Variants in RABGAP1L observed in about 807,000 individuals in gnomAD.
RABGAP1L encodes rab GTPase-activating protein 1-like.
RABGAP1L carries 63 observed loss-of-function variants against 137.7 expected under a neutral mutation model. The ratio of observed to expected loss-of-function variants is 0.46; its 90% CI spans 0.37 to 0.56. The LOEUF is 0.56. RABGAP1L is among the 20% of genes least tolerant of loss of function. The pLI, the probability that RABGAP1L is intolerant of heterozygous loss-of-function variation, is 0.00. For synonymous variants in RABGAP1L, 431 were observed against 433.7 expected (o/e 0.99, Z 0.08); for missense variants, 1,095 against 1,244.0 (o/e 0.88, Z 1.80).
intron 11 of RABGAP1L, among the ~76,000 whole-genome samples, chr1:174,324,123 A>AT (rs557721380): frequency 6.6e-5 from 10 of 151,098 alleles, no homozygotes; most frequent in Non-Finnish European, 8.9e-5. Context: ...TTGGAAAGTC[A>AT]TTTTTTTTTA....
chr1:174,599,452 T>C (rs1670252735), intron 13 of RABGAP1L, among the ~76,000 whole-genome samples: 1 of 152,222 alleles, frequency 6.6e-6, no homozygotes, highest in Non-Finnish European at 1.5e-5. Context: ...CTCCAGATGA[T>C]TTCTTTTTGC....
chr1:174,938,905 G>T (rs1465055334), intron 19 of RABGAP1L, among the ~76,000 whole-genome samples: 1 of 152,096 alleles, frequency 6.6e-6, no homozygotes, highest in African/African-American at 2.4e-5. Flanking sequence ...CCATAGAAAT[G>T]GGAACATAAA....
chr1:174,863,345 C>G (rs1383065380), intron 19 of RABGAP1L, among the ~76,000 whole-genome samples: 1 of 150,050 alleles, frequency 6.7e-6, no homozygotes, highest in Non-Finnish European at 1.5e-5. Flanking sequence ...TCTTTTCTAA[C>G]AGAATACCCT....
At chr1:174,611,423 T>C (rs1455727923) in intron 13 of RABGAP1L, among the ~76,000 whole-genome samples, 2 of 151,968 alleles carry the variant, frequency 1.3e-5, no homozygotes, top group South Asian at 4.2e-4. Context: ...ATATCTCTCT[T>C]TTGGTACCAC....
intron 13 of RABGAP1L, among the ~76,000 whole-genome samples, chr1:174,566,882 G>A (rs1185646586): frequency 1.3e-5 from 2 of 152,152 alleles, no homozygotes; most frequent in Non-Finnish European, 2.9e-5. Context: ...CAACTATGTA[G>A]AAAATTTTCT....
rs187514618 is a variant in RABGAP1L at position 174,377,610 on chromosome 1, A to C, written c.1559+6538A>C. Among the ~76,000 whole-genome samples the C allele has an allele frequency of 7.0e-4, 107 of 152,282 alleles. 2 individuals carry two copies. In the East Asian group the frequency reaches 9.3e-3, roughly 13 times the overall value. ...CAAGTAGCACATAAAAAGATGCTCA[A>C]TATCATTAACCATCAGGGAAATGCC... On this transcript the variant is annotated intron_variant, in intron 12 of 25. Coordinates refer to ENST00000681986, the MANE Select transcript of RABGAP1L (RefSeq NM_001366446.1).
At chr1:174,794,809 A>AC (rs1688123895) in intron 18 of RABGAP1L, among the ~76,000 whole-genome samples, 1 of 151,872 alleles carries the variant, frequency 6.6e-6, no homozygotes, top group Middle Eastern at 3.2e-3. Context: ...GTATTTGGAT[A>AC]CCTCCCTGAT....
intron 13 of RABGAP1L, among the ~76,000 whole-genome samples, chr1:174,543,212 T>G (rs905079166): frequency 6.6e-6 from 1 of 152,194 alleles, no homozygotes; most frequent in Non-Finnish European, 1.5e-5. Context: ...TCTCCCATTA[T>G]TATTGTGTGG....
chr1:174,225,494 C>CTTTTTTTTTTTTTTTTTTT (rs59323156), intron 3 of RABGAP1L, among the ~76,000 whole-genome samples: 8 of 105,730 alleles, frequency 7.6e-5, no homozygotes, highest in African/African-American at 2.4e-4. Flanking sequence ...AGAATGTTGA[C>CTTTTTTTTTTTTTTTTTTT]TTTTTTTTTT....
At chr1:174,221,602 A>G (rs1669763789) in intron 3 of RABGAP1L, among the ~76,000 whole-genome samples, 1 of 152,248 alleles carries the variant, frequency 6.6e-6, no homozygotes, top group South Asian at 2.1e-4. Context: ...TCTATGAATA[A>G]TTAGGATTTG....
chr1:174,375,845 A>G (rs1442936682), intron 12 of RABGAP1L, among the ~76,000 whole-genome samples: 1 of 152,110 alleles, frequency 6.6e-6, no homozygotes, highest in Non-Finnish European at 1.5e-5. Context: ...CGAGCCGATC[A>G]CTTGAGGTAA....
At chr1:174,763,436 G>T (rs1023082907) in intron 18 of RABGAP1L, among the ~76,000 whole-genome samples, 1 of 150,708 alleles carries the variant, frequency 6.6e-6, no homozygotes, top group Non-Finnish European at 1.5e-5. Flanking sequence ...GGATCACGAG[G>T]TCAGGAGATC....
intron 19 of RABGAP1L, among the ~76,000 whole-genome samples, chr1:174,926,168 A>C (rs1307393950): frequency 6.6e-6 from 1 of 152,056 alleles, no homozygotes; most frequent in Non-Finnish European, 1.5e-5. Flanking sequence ...TTCCTGAGCT[A>C]GTATGTCACA....
chr1:174,507,958 A>T (rs767026937), intron 13 of RABGAP1L, among the ~76,000 whole-genome samples: 6 of 152,120 alleles, frequency 3.9e-5, no homozygotes, highest in Non-Finnish European at 8.8e-5. Flanking sequence ...TGCCCAGTAA[A>T]GGCATGCTTT....
chr1:174,739,607 G>T (rs1302591824), intron 17 of RABGAP1L, among the ~76,000 whole-genome samples: 5 of 152,182 alleles, frequency 3.3e-5, no homozygotes, highest in Admixed American at 6.5e-5. Context: ...TCCTGCCTCT[G>T]TGTGTTATGA....
At chr1:174,248,723 C>T (rs961540116) in intron 5 of RABGAP1L, among the ~76,000 whole-genome samples, 1 of 152,110 alleles carries the variant, frequency 6.6e-6, no homozygotes, top group African/African-American at 2.4e-5. Flanking sequence ...AACAGAAGAC[C>T]TCATACTTTA....
intron 17 of RABGAP1L, among the ~76,000 whole-genome samples, chr1:174,707,057 C>G (rs1275329047): frequency 6.6e-6 from 1 of 152,178 alleles, no homozygotes; most frequent in East Asian, 1.9e-4. Flanking sequence ...CTATGCACTT[C>G]TGTGAGTACA....
chr1:174,637,302 T>G, intron 13 of RABGAP1L, 73 bp from the exon 14 acceptor site: 1 of 1,031,390 alleles, frequency 9.7e-7, no homozygotes, highest in Non-Finnish European at 1.5e-6. Context: ...TTGAGTTTTT[T>G]ACCATGTGTA....
chr1:174,927,001 A>G (rs1041669849), intron 19 of RABGAP1L, among the ~76,000 whole-genome samples: 26 of 151,698 alleles, frequency 1.7e-4, no homozygotes, highest in Admixed American at 4.6e-4. Context: ...TGAACCCAGG[A>G]GGCAGAGGTT....
Sources: gnomAD v4.1 joint callset for allele counts (sites outside exome capture counted in the v4.1 genomes callset) on GRCh38, gnomAD v4.1.1 for gene constraint, MANE v1.5 for transcripts, NCBI Gene and HGNC (gene_info 2026-07-23, HGNC 2026-07-21) for gene names.